ATF7: variants seen among roughly 807,000 people sequenced by gnomAD.
ATF7 encodes activating transcription factor 7, also known as cyclic AMP-dependent transcription factor ATF-7.
ATF7 carries 10 observed loss-of-function variants against 50.4 expected under a neutral mutation model. The ratio of observed to expected loss-of-function variants is 0.20; its 90% CI spans 0.12 to 0.34. ATF7 has a LOEUF of 0.34. Among genes scored for constraint, ATF7 ranks in the 10% least tolerant of loss-of-function variants. The pLI is 1.00. For missense variants in ATF7, 465 were observed against 613.9 expected (o/e 0.76, Z 2.56); for synonymous variants, 201 against 226.4 (o/e 0.89, Z 1.01).
chr12:53,537,956 C>G (rs1939320325), intron 4 of ATF7, among the ~76,000 whole-genome samples: 1 of 152,078 alleles, frequency 6.6e-6, no homozygotes, highest in Non-Finnish European at 1.5e-5. Context: ...AGGTGATTCA[C>G]CTGCCTCAGC....
intron 11 of ATF7, among the ~76,000 whole-genome samples, chr12:53,517,837 C>T (rs925433733): frequency 6.6e-6 from 1 of 152,048 alleles, no homozygotes; most frequent in Non-Finnish European, 1.5e-5. Context: ...TTAATTCTCA[C>T]AGGAACTGAA....
rs35400565 is a variant in ATF7, at chr12:53,517,233, C to G, written c.1356G>C (p.Ser452=). The change falls in exon 12 of 12, where the codon TCG becomes TCC. Residue 452 remains serine (S), a synonymous_variant. Coordinates refer to ENST00000420353, the MANE Select transcript of ATF7 (RefSeq NM_006856.3). ...VRSAAEAVAT[S]VLTQMASQRT... ...TTTGGCTGGCCATCTGAGTGAGGAC[C>G]GAGGTGGCCACAGCTTCAGCTGCAG... The G allele has an allele frequency of 2.7e-5, 43 of 1,613,900 alleles. No individual in the cohort carries two copies. Among genetic ancestry groups the G allele is most frequent in the African/African-American group, 4.0e-5 (3 of 74,934 alleles).
chr12:53,608,185 G>A (rs1456661730), intron 1 of ATF7, among the ~76,000 whole-genome samples: 45 of 142,848 alleles, frequency 3.2e-4, no homozygotes, highest in African/African-American at 1.1e-3. Context: ...GTGCCACTGC[G>A]CTCCAGCCTG....
chr12:53,531,732 A>G lies in ATF7; in HGVS notation c.927+12T>C. On this transcript the variant is annotated intron_variant, in intron 9 of 11. Coordinates refer to ENST00000420353, the MANE Select transcript of ATF7 (RefSeq NM_006856.3). ...TCATAAAGATATGACATAAAGAGTA[A>G]GAGCCACTGACCTGTGGCTGGGCAG... is the stretch of plus-strand genomic sequence containing the variant. 6.2e-7 allele frequency: 1 copy of G among 1,606,768 alleles called. No homozygotes were observed. Among genetic ancestry groups the G allele is most frequent in the Admixed American group, 1.7e-5 (1 of 58,582 alleles).
intron 2 of ATF7, among the ~76,000 whole-genome samples, chr12:53,564,420 G>A (rs900652006): frequency 2.0e-5 from 3 of 152,190 alleles, no homozygotes; most frequent in African/African-American, 7.2e-5. Context: ...GCAAAAAAAT[G>A]TGAATTTACA....
chr12:53,520,723 C>T (rs1184815819), intron 11 of ATF7, among the ~76,000 whole-genome samples: 1 of 152,094 alleles, frequency 6.6e-6, no homozygotes, highest in Non-Finnish European at 1.5e-5. Context: ...AAACCATTTC[C>T]CCTACACTTT....
rs144445994 is a variant in ATF7, at chr12:53,539,686, CAATGAATGAATGAATGAATG to C, written c.265-2154_265-2135del. 7.4e-5 allele frequency among the ~76,000 whole-genome samples: 11 copies of C among 148,328 alleles called. No homozygotes were observed. The South Asian group carries it at 1.1e-3, about 15-fold the overall frequency. ...CCTGGGAGACAGAGCAAGATCCTGT[CAATGAATGAATGAATGAATG>C]AATGAATGAATGAATGAATGAATGA... is the stretch of plus-strand genomic sequence containing the variant. On this transcript the variant is annotated intron_variant, in intron 4 of 11. Coordinates refer to ENST00000420353, the MANE Select transcript of ATF7 (RefSeq NM_006856.3).
intron 2 of ATF7, among the ~76,000 whole-genome samples, chr12:53,595,301 C>T (rs910211877): frequency 5.3e-5 from 8 of 152,164 alleles, no homozygotes; most frequent in Non-Finnish European, 8.8e-5. Context: ...TGCTTCCCCT[C>T]GTAATTCTCC....
chr12:53,532,532 G>A lies in ATF7; in HGVS notation c.752C>T (p.Pro251Leu). The A allele has an allele frequency of 2.5e-6, 4 of 1,603,236 alleles. No homozygotes were observed. Among genetic ancestry groups the A allele is most frequent in the Non-Finnish European group, 3.4e-6 (4 of 1,174,800 alleles). The change falls in exon 8 of 12, where the codon CCT becomes CTT. Residue 251 changes from proline (P) to leucine (L), a missense_variant. Transcript: ENST00000420353. The stretch of plus-strand genomic sequence containing the variant: ...CACCATCTTGGCTTCTGATGGTATA[G>A]GGTGGCCAGAGGGAGAAATGGAGCC... ...SSGSISPSGHPIPSEAKMRLK... is the reference protein window; with the variant it reads ...SSGSISPSGHLIPSEAKMRLK...
At chr12:53,623,509 C>T (rs1164650092) in intron 1 of ATF7, among the ~76,000 whole-genome samples, 3 of 152,118 alleles carry the variant, frequency 2.0e-5, no homozygotes, top group African/African-American at 7.2e-5. Context: ...AACACCTGTA[C>T]CTTAACTTTA....
chr12:53,537,056 C>T (rs751837611), intron 5 of ATF7, among the ~76,000 whole-genome samples: 7 of 151,910 alleles, frequency 4.6e-5, no homozygotes, highest in African/African-American at 7.3e-5. Context: ...TAAATACAAT[C>T]GGTCCTCCTA....
intron 11 of ATF7, among the ~76,000 whole-genome samples, chr12:53,522,889 G>T (rs1320256971): frequency 3.9e-5 from 6 of 152,224 alleles, no homozygotes; most frequent in Non-Finnish European, 7.4e-5. Flanking sequence ...ACAAAACATA[G>T]ATGTAAATCT....
chr12:53,546,960 T>C (rs937338663), intron 3 of ATF7, among the ~76,000 whole-genome samples: 1 of 150,276 alleles, frequency 6.7e-6, no homozygotes, highest in Non-Finnish European at 1.5e-5. Context: ...GGTTTCTTTA[T>C]GCTGCCCAGG....
At chr12:53,584,574 C>T (rs908740915) in intron 2 of ATF7, among the ~76,000 whole-genome samples, 2 of 152,112 alleles carry the variant, frequency 1.3e-5, no homozygotes, top group Non-Finnish European at 2.9e-5. Context: ...CACACAAAAG[C>T]CTGCACATGG....
chr12:53,584,364 A>C (rs1005802658), intron 2 of ATF7, among the ~76,000 whole-genome samples: 7 of 152,220 alleles, frequency 4.6e-5, no homozygotes, highest in Non-Finnish European at 5.9e-5. Flanking sequence ...CACTGACAAC[A>C]TTAAATGTTG....
chr12:53,540,906 AT>A (rs1210293152), intron 4 of ATF7, among the ~76,000 whole-genome samples: 1 of 151,906 alleles, frequency 6.6e-6, no homozygotes, highest in Admixed American at 6.6e-5. Context: ...TGATTTTTAA[AT>A]TTTTTGTAGA....
intron 4 of ATF7, 31 bp downstream of exon 4, chr12:53,543,299 C>T (rs1939683787): frequency 1.9e-6 from 3 of 1,558,378 alleles, no homozygotes; most frequent in Non-Finnish European, 2.6e-6. Flanking sequence ...CTGAATACCA[C>T]CAGTTTTTTG....
intron 1 of ATF7, among the ~76,000 whole-genome samples, chr12:53,616,130 G>C (rs1013480749): frequency 6.6e-6 from 1 of 152,186 alleles, no homozygotes; most frequent in Non-Finnish European, 1.5e-5. Flanking sequence ...GGTTTTGTGA[G>C]AAGGTGGGGC....
downstream of ATF7, among the ~76,000 whole-genome samples, chr12:53,510,313 A>G (rs1277064194): frequency 6.6e-6 from 1 of 152,242 alleles, no homozygotes; most frequent in Non-Finnish European, 1.5e-5. Flanking sequence ...TTTTGGGATT[A>G]CAGGCATGAG....
Sources: gnomAD v4.1 joint callset for allele counts (sites outside exome capture counted in the v4.1 genomes callset) on GRCh38, gnomAD v4.1.1 for gene constraint, MANE v1.5 for transcripts, NCBI Gene and HGNC (gene_info 2026-07-23, HGNC 2026-07-21) for gene names.